Variants in LRRIQ3 observed in about 807,000 individuals in gnomAD.
The protein encoded by LRRIQ3 is leucine rich repeats and IQ motif containing 3.
LRRIQ3 carries 75 observed loss-of-function variants against 59.3 expected under a neutral mutation model. The ratio of observed to expected loss-of-function variants is 1.26; its 90% confidence interval spans 1.05 to 1.53. The LOEUF is 1.53. Ranked by LOEUF, LRRIQ3 falls within the 40% of genes most tolerant of loss-of-function variation. The pLI, the probability that LRRIQ3 is intolerant of heterozygous loss-of-function variation, is 0.00. For missense variants in LRRIQ3, 831 were observed against 710.0 expected (o/e 1.17, Z -1.94); for synonymous variants, 250 against 231.3 (o/e 1.08, Z -0.73).
intron 3 of LRRIQ3, among the ~76,000 whole-genome samples, chr1:74,168,809 A>T (rs572868427): frequency 1.3e-5 from 2 of 152,254 alleles, no homozygotes; most frequent in African/African-American, 4.8e-5. Context: ...TTATGTATGG[A>T]CATATGTATT....
intron 4 of LRRIQ3, among the ~76,000 whole-genome samples, chr1:74,113,148 TA>T (rs200680854): frequency 1.3e-5 from 2 of 151,112 alleles, no homozygotes; most frequent in South Asian, 2.1e-4. Flanking sequence ...AAAAATAATT[TA>T]AAAAAAACCA....
chr1:74,027,684 C>T (rs575826406), intron 7 of LRRIQ3, among the ~76,000 whole-genome samples: 4 of 152,086 alleles, frequency 2.6e-5, no homozygotes, highest in Middle Eastern at 3.4e-3. Flanking sequence ...CCTGCCAAAC[C>T]GGGGAAATGT....
intron 6 of LRRIQ3, among the ~76,000 whole-genome samples, chr1:74,053,191 A>AC (rs980583237): frequency 2.6e-5 from 4 of 151,794 alleles, no homozygotes; most frequent in Non-Finnish European, 5.9e-5. Flanking sequence ...AAAAAAAAAA[A>AC]AAACAAATTA....
intron 5 of LRRIQ3, among the ~76,000 whole-genome samples, chr1:74,075,858 A>C (rs911287060): frequency 6.6e-6 from 1 of 152,144 alleles, no homozygotes; most frequent in African/African-American, 2.4e-5. Context: ...ATGAGTGAAA[A>C]TAGCTACTAG....
chr1:74,125,990 T>C (rs908363050), intron 4 of LRRIQ3, among the ~76,000 whole-genome samples: 1 of 151,922 alleles, frequency 6.6e-6, no homozygotes, highest in Non-Finnish European at 1.5e-5. Context: ...CCTGATGTTT[T>C]CTTTGCTAGG....
chr1:74,179,244 T>A (rs1649833009), intron 3 of LRRIQ3, among the ~76,000 whole-genome samples: 1 of 152,006 alleles, frequency 6.6e-6, no homozygotes, highest in Non-Finnish European at 1.5e-5. Flanking sequence ...TACTTTGATT[T>A]CGTATAGCAA....
At chr1:74,126,736 A>C (rs1197201555) in intron 4 of LRRIQ3, among the ~76,000 whole-genome samples, 1 of 151,866 alleles carries the variant, frequency 6.6e-6, no homozygotes, top group African/African-American at 2.4e-5. Flanking sequence ...TCAATTATTA[A>C]AAAAATTTTA....
At chr1:74,121,212 G>A (rs1487897645) in intron 4 of LRRIQ3, among the ~76,000 whole-genome samples, 1 of 152,120 alleles carries the variant, frequency 6.6e-6, no homozygotes, top group Non-Finnish European at 1.5e-5. Context: ...GGTCTACAGA[G>A]ATATTATACT....
intron 6 of LRRIQ3, among the ~76,000 whole-genome samples, chr1:74,061,548 T>C (rs911593501): frequency 3.3e-5 from 5 of 151,938 alleles, no homozygotes; most frequent in African/African-American, 1.2e-4. Context: ...CTATACTACA[T>C]TTGCAGAAAA....
At chr1:74,035,901 A>G (rs947330949) in intron 7 of LRRIQ3, among the ~76,000 whole-genome samples, 7 of 152,072 alleles carry the variant, frequency 4.6e-5, no homozygotes, top group Non-Finnish European at 7.4e-5. Flanking sequence ...CCTCTCTACT[A>G]TAATGGTCTC....
intron 4 of LRRIQ3, among the ~76,000 whole-genome samples, chr1:74,148,393 T>C (rs1570210638): frequency 6.6e-6 from 1 of 152,154 alleles, no homozygotes; most frequent in African/African-American, 2.4e-5. Context: ...ACTTTGCTGG[T>C]GACAGAGACA....
intron 6 of LRRIQ3, among the ~76,000 whole-genome samples, chr1:74,064,200 AAGTATATAT>A (rs1557599364): frequency 6.6e-6 from 1 of 151,928 alleles, no homozygotes; most frequent in African/African-American, 2.4e-5. Context: ...AGTGGAGAGC[AAGTATATAT>A]AGTCATAGAG....
At chr1:74,190,879 T>C (rs1487600647) in intron 1 of LRRIQ3, among the ~76,000 whole-genome samples, 1 of 152,074 alleles carries the variant, frequency 6.6e-6, no homozygotes. Flanking sequence ...TTTGAAGTGT[T>C]AAGAGAAAAA....
At chr1:74,089,834 C>T (rs538867292) in intron 5 of LRRIQ3, among the ~76,000 whole-genome samples, 23 of 152,108 alleles carry the variant, frequency 1.5e-4, no homozygotes, top group African/African-American at 5.1e-4. Context: ...ATGTGAATTA[C>T]ATCTCAGTAA....
chr1:74,139,809 A>G (rs891035494), intron 4 of LRRIQ3, among the ~76,000 whole-genome samples: 1 of 152,026 alleles, frequency 6.6e-6, no homozygotes, highest in African/African-American at 2.4e-5. Flanking sequence ...TAATGAAAAT[A>G]GAGTTCTAAA....
intron 1 of LRRIQ3, among the ~76,000 whole-genome samples, chr1:74,188,065 A>G (rs1375985267): frequency 6.6e-6 from 1 of 152,234 alleles, no homozygotes; most frequent in Non-Finnish European, 1.5e-5. Context: ...TGGTACATTT[A>G]CACCATGGAA....
intron 5 of LRRIQ3, among the ~76,000 whole-genome samples, chr1:74,101,866 A>G (rs1646537937): frequency 6.6e-6 from 1 of 152,108 alleles, no homozygotes; most frequent in Admixed American, 6.6e-5. Context: ...CAATGAGAAC[A>G]CTTGGACACA....
At chr1:74,060,784 C>T (rs1416498663) in intron 6 of LRRIQ3, among the ~76,000 whole-genome samples, 6 of 152,032 alleles carry the variant, frequency 3.9e-5, no homozygotes, top group Non-Finnish European at 7.4e-5. Flanking sequence ...CGGTGCACTC[C>T]AAGCAGATCT....
intron 5 of LRRIQ3, among the ~76,000 whole-genome samples, chr1:74,101,860 G>GAGAA (rs1031152926): frequency 9.9e-5 from 15 of 152,036 alleles, no homozygotes; most frequent in African/African-American, 3.4e-4. Flanking sequence ...ATTGAACAAT[G>GAGAA]AGAACACTTG....
Sources: allele counts gnomAD v4.1 joint callset (sites outside exome capture counted in the v4.1 genomes callset), GRCh38; gene constraint gnomAD v4.1.1; transcripts MANE v1.5; gene names NCBI Gene and HGNC (gene_info 2026-07-23, HGNC 2026-07-21).